Variants in CDH18 observed in about 807,000 individuals in gnomAD.
The protein encoded by CDH18 is cadherin-18.
Under a neutral mutation model 67.9 loss-of-function variants are expected in CDH18, and 31 were observed. The ratio of observed to expected loss-of-function variants is 0.46; its 90% confidence interval spans 0.34 to 0.62. The LOEUF is 0.62. CDH18 is among the 20% of genes least tolerant of loss of function. The probability of loss-of-function intolerance (pLI) is 0.01; values close to 1 mark genes in which losing one functional copy is unlikely to be tolerated. For synonymous variants in CDH18, 362 were observed against 347.2 expected (o/e 1.04, Z -0.48); for missense variants, 890 against 975.5 (o/e 0.91, Z 1.17).
rs920309540 is a variant in CDH18, at chr5:19,471,682, G to T, written c.*1544C>A. ...AACAAAACATTATCTAAAACAATTTGAAAAAAAAAGCCCCACCCAAATTCT... is the reference window on the plus strand; with the variant it reads ...AACAAAACATTATCTAAAACAATTTTAAAAAAAAAGCCCCACCCAAATTCT... On this transcript the variant is annotated 3_prime_UTR_variant, in exon 13 of 13. Coordinates refer to ENST00000382275, the MANE Select transcript of CDH18 (RefSeq NM_004934.5). Among the ~76,000 whole-genome samples the T allele has an allele frequency of 1.5e-4, 22 of 148,214 alleles. No homozygotes were observed. Among genetic ancestry groups the T allele is most frequent in the African/African-American group, 5.4e-4 (22 of 40,396 alleles).
chr5:19,858,508 G>C (rs995393863), intron 2 of CDH18, among the ~76,000 whole-genome samples: 1 of 152,136 alleles, frequency 6.6e-6, no homozygotes, highest in Admixed American at 6.6e-5. Flanking sequence ...GCATATAAAC[G>C]AACTCAGAAA....
At chr5:19,510,975 C>T (rs1205825509) in intron 10 of CDH18, among the ~76,000 whole-genome samples, 1 of 152,046 alleles carries the variant, frequency 6.6e-6, no homozygotes, top group Non-Finnish European at 1.5e-5. Context: ...CCATGCCTAG[C>T]TAATTTTTTG....
intron 4 of CDH18, among the ~76,000 whole-genome samples, chr5:19,736,816 G>A (rs967655707): frequency 6.6e-6 from 1 of 152,086 alleles, no homozygotes; most frequent in African/African-American, 2.4e-5. Flanking sequence ...AGCAGGAGAA[G>A]ATTTAAATTG....
intron 2 of CDH18, among the ~76,000 whole-genome samples, chr5:20,194,113 C>A (rs899147769): frequency 2.6e-5 from 4 of 151,890 alleles, no homozygotes; most frequent in Admixed American, 6.6e-5. Flanking sequence ...GAAGTTCTGG[C>A]CAGGATAATC....
chr5:19,585,002 A>AT (rs1268818405), intron 7 of CDH18, among the ~76,000 whole-genome samples: 5 of 151,216 alleles, frequency 3.3e-5, no homozygotes, highest in Non-Finnish European at 5.9e-5. Context: ...CTCCAAAAAA[A>AT]AAAAATTCAA....
intron 9 of CDH18, among the ~76,000 whole-genome samples, chr5:19,526,898 G>T (rs1159056641): frequency 1.3e-5 from 2 of 151,886 alleles, no homozygotes; most frequent in East Asian, 3.9e-4. Context: ...AATTTACAGG[G>T]AATATGAACT....
At chr5:19,673,425 C>G (rs571828158) in intron 5 of CDH18, among the ~76,000 whole-genome samples, 118 of 152,014 alleles carry the variant, frequency 7.8e-4, no homozygotes, top group African/African-American at 2.7e-3. Flanking sequence ...TATATCCAGA[C>G]TTTATCTGAT....
chr5:19,528,257 T>G (rs945994772), intron 9 of CDH18, among the ~76,000 whole-genome samples: 1 of 151,748 alleles, frequency 6.6e-6, no homozygotes, highest in Admixed American at 6.6e-5. Context: ...TTTATCTTTA[T>G]AGAGTATATA....
At chr5:19,892,249 A>G (rs1460659370) in intron 2 of CDH18, among the ~76,000 whole-genome samples, 2 of 152,108 alleles carry the variant, frequency 1.3e-5, no homozygotes, top group East Asian at 1.9e-4. Context: ...AAGGACAAGT[A>G]TATCTTTAAA....
chr5:20,196,335 A>C (rs6874881), intron 2 of CDH18, among the ~76,000 whole-genome samples: 86,764 of 151,788 alleles, frequency 0.57, 24,822 homozygotes, highest in Middle Eastern at 0.7. Flanking sequence ...ATTAAATAGC[A>C]ACCATTCTTA....
At chr5:20,206,881 C>T (rs1279388073) in intron 2 of CDH18, among the ~76,000 whole-genome samples, 3 of 151,954 alleles carry the variant, frequency 2.0e-5, no homozygotes, top group Admixed American at 2.0e-4. Flanking sequence ...GAGAACCCCA[C>T]AACTAATATC....
chr5:20,199,409 G>T (rs2126746804), intron 2 of CDH18, among the ~76,000 whole-genome samples: 1 of 152,144 alleles, frequency 6.6e-6, no homozygotes, highest in East Asian at 1.9e-4. Context: ...CTTGCATAAG[G>T]CCTGTAGCCC....
intron 2 of CDH18, among the ~76,000 whole-genome samples, chr5:20,119,382 C>A (rs181582750): frequency 6.6e-6 from 1 of 152,150 alleles, no homozygotes; most frequent in Admixed American, 6.6e-5. Flanking sequence ...TGTTGCCTTT[C>A]CACTAAACAA....
At chr5:20,215,071 AC>A (rs1740655468) in intron 2 of CDH18, among the ~76,000 whole-genome samples, 1 of 152,084 alleles carries the variant, frequency 6.6e-6, no homozygotes, top group African/African-American at 2.4e-5. Flanking sequence ...CATGTGGCCA[AC>A]AAACATATAA....
intron 5 of CDH18, among the ~76,000 whole-genome samples, chr5:19,701,484 T>G (rs991626408): frequency 6.6e-6 from 1 of 151,656 alleles, no homozygotes; most frequent in Non-Finnish European, 1.5e-5. Flanking sequence ...AGACACAGAG[T>G]TATGAGGAAT....
At chr5:20,495,942 A>G (rs1445585019) in intron 1 of CDH18, among the ~76,000 whole-genome samples, 1 of 152,172 alleles carries the variant, frequency 6.6e-6, no homozygotes, top group Non-Finnish European at 1.5e-5. Flanking sequence ...TCACAAAATA[A>G]AAGTTTGTGA....
At chr5:20,004,286 A>G (rs1476050611) in intron 2 of CDH18, among the ~76,000 whole-genome samples, 7 of 152,216 alleles carry the variant, frequency 4.6e-5, no homozygotes, top group Admixed American at 4.6e-4. Flanking sequence ...TTTTCTGCAC[A>G]GCAAAGAGTA....
At chr5:19,711,650 TAA>T (rs3062941) in intron 5 of CDH18, among the ~76,000 whole-genome samples, 13 of 115,556 alleles carry the variant, frequency 1.1e-4, no homozygotes, top group East Asian at 2.4e-4. Flanking sequence ...TAGTATAAAG[TAA>T]AAAAAAAAAA....
chr5:19,697,595 AG>A (rs910913777), intron 5 of CDH18, among the ~76,000 whole-genome samples: 1 of 152,198 alleles, frequency 6.6e-6, no homozygotes, highest in Non-Finnish European at 1.5e-5. Context: ...TCAGAAAAAA[AG>A]TTTAACAAAG....
Sources: allele counts gnomAD v4.1 joint callset (sites outside exome capture counted in the v4.1 genomes callset), GRCh38; gene constraint gnomAD v4.1.1; transcripts MANE v1.5; gene names NCBI Gene and HGNC (gene_info 2026-07-23, HGNC 2026-07-21).